EVC2: variants seen among roughly 807,000 people sequenced by gnomAD.
EVC2 encodes limbin.
EVC2 carries 148 observed loss-of-function variants against 149.3 expected under a neutral mutation model. The ratio of observed to expected loss-of-function variants is 0.99; its 90% CI spans 0.87 to 1.14. The LOEUF (loss-of-function observed/expected upper bound fraction) is 1.14. Ranked by LOEUF, EVC2 falls within the 50% of genes most tolerant of loss-of-function variation. EVC2 has a pLI of 0.00. For missense variants in EVC2, 1,854 were observed against 1,627.3 expected, an observed-to-expected ratio of 1.14 and a Z score of -2.40; for synonymous variants, 776 against 649.9, an observed-to-expected ratio of 1.19 and a Z score of -2.95.
chr4:5,647,720 C>G (rs550631422), intron 9 of EVC2, among the ~76,000 whole-genome samples: 2 of 152,172 alleles, frequency 1.3e-5, no homozygotes, highest in Non-Finnish European at 2.9e-5. Context: ...ACAGTGCCCC[C>G]GCAAAGACAT....
chr4:5,687,220 G>T (rs968773435), intron 5 of EVC2, among the ~76,000 whole-genome samples: 1 of 152,058 alleles, frequency 6.6e-6, no homozygotes, highest in Non-Finnish European at 1.5e-5. Context: ...TTGTGCCACT[G>T]CACTCTAGGC....
At chr4:5,703,866 C>T (rs1362715848) in intron 1 of EVC2, among the ~76,000 whole-genome samples, 1 of 152,018 alleles carries the variant, frequency 6.6e-6, no homozygotes, top group South Asian at 2.1e-4. Flanking sequence ...ATGGGGGTTG[C>T]CATTTTAAAT....
chr4:5,610,180 T>C (rs557563709), intron 16 of EVC2, among the ~76,000 whole-genome samples: 2 of 152,174 alleles, frequency 1.3e-5, no homozygotes, highest in Non-Finnish European at 1.5e-5. Flanking sequence ...AGCATATATA[T>C]GGACTATGGA....
chr4:5,604,103 C>A (rs1382637491), intron 16 of EVC2, among the ~76,000 whole-genome samples: 5 of 152,156 alleles, frequency 3.3e-5, no homozygotes, highest in South Asian at 4.1e-4. Flanking sequence ...AATAGTTGCT[C>A]TGCCTGCTTC....
intron 1 of EVC2, 50 bp from the exon 2 acceptor site, chr4:5,697,697 A>C: frequency 6.6e-7 from 1 of 1,515,840 alleles, no homozygotes; most frequent in Non-Finnish European, 9.2e-7. Flanking sequence ...ACTTCTGAGA[A>C]GTGATAATAA....
intron 7 of EVC2, among the ~76,000 whole-genome samples, chr4:5,666,615 T>C (rs66586049): frequency 0.15 from 22,368 of 152,208 alleles, 1,722 homozygotes; most frequent in African/African-American, 0.17. Context: ...CTTAAAGTCA[T>C]CATTCCCAGA....
intron 7 of EVC2, 81 bp from the exon 8 acceptor site, chr4:5,665,730 A>G (rs1719236803): frequency 6.4e-7 from 1 of 1,568,476 alleles, no homozygotes; most frequent in South Asian, 1.2e-5. Flanking sequence ...TGAGTGTCAG[A>G]GCAGACCAAG....
At chr4:5,555,018 G>A (rs1416679441) in intron 21 of EVC2, among the ~76,000 whole-genome samples, 1 of 42,480 alleles carries the variant, frequency 2.4e-5, no homozygotes, top group Non-Finnish European at 3.6e-5. Context: ...GAGAGGAAGC[G>A]TGTGTGTGTG....
At chr4:5,572,905 G>C (rs1722718300) in intron 19 of EVC2, among the ~76,000 whole-genome samples, 1 of 152,204 alleles carries the variant, frequency 6.6e-6, no homozygotes, top group African/African-American at 2.4e-5. Context: ...AGGAAGAGCA[G>C]AGTATGTGCA....
intron 1 of EVC2, among the ~76,000 whole-genome samples, chr4:5,704,192 G>A (rs188650806): frequency 2.6e-5 from 4 of 152,276 alleles, no homozygotes; most frequent in South Asian, 2.1e-4. Context: ...TCAGTCAGGC[G>A]GCTCCACAAT....
intron 9 of EVC2, among the ~76,000 whole-genome samples, chr4:5,660,823 T>C (rs77101956): frequency 0.055 from 8,418 of 152,258 alleles, 250 homozygotes; most frequent in Middle Eastern, 0.092. Flanking sequence ...GCCTAAATAG[T>C]GAGGAAGCTC....
intron 21 of EVC2, among the ~76,000 whole-genome samples, chr4:5,547,773 G>C (rs1721649573): frequency 6.6e-6 from 1 of 152,184 alleles, no homozygotes; most frequent in African/African-American, 2.4e-5. Context: ...CAGGCTGAAA[G>C]AGCTATAACA....
chr4:5,618,755 A>C lies in EVC2; in HGVS notation c.2502-73T>G. On this transcript the variant is annotated intron_variant, in intron 14 of 21. Transcript: ENST00000344408. This position sits in a 1 kb window ranked among gnomAD's most constrained non-coding sequence, Gnocchi z 4.4. ...GGCTGGGCTGGGGTGAAGAAGCCAGAGATGCAAAGCTCATTCCTCATATCC... is the reference window on the plus strand; with the variant it reads ...GGCTGGGCTGGGGTGAAGAAGCCAGCGATGCAAAGCTCATTCCTCATATCC... 1 of 1,391,642 alleles carries C rather than the reference A, an allele frequency of 7.2e-7. No homozygotes were observed. The highest frequency in any genetic ancestry group is 1.0e-6 in the Non-Finnish European group (1 of 1,002,350). 86.2% of individuals were successfully genotyped at this position (1,391,642 alleles called of 1,614,324 possible).
rs1028500951 is a variant in EVC2, at chr4:5,670,353, C to G, written c.871-4704G>C. Among the ~76,000 whole-genome samples, 6 of 152,040 alleles carry G rather than the reference C, an allele frequency of 3.9e-5. No homozygotes were observed. The East Asian group carries it at 1.2e-3, about 29-fold the overall frequency. On this transcript the variant is annotated intron_variant, in intron 7 of 21. Coordinates refer to ENST00000344408, the MANE Select transcript of EVC2 (RefSeq NM_147127.5). The surrounding 1 kb of genome is among the most constrained non-coding windows in gnomAD (Gnocchi z 5.2). ...TCATCACCATCACCACAATGACTGTCACCACCACCATCACCACCATCATTA... is the reference window on the plus strand; with the variant it reads ...TCATCACCATCACCACAATGACTGTGACCACCACCATCACCACCATCATTA...
At chr4:5,564,665 A>T (rs1329563701) in intron 21 of EVC2, among the ~76,000 whole-genome samples, 1 of 152,222 alleles carries the variant, frequency 6.6e-6, no homozygotes, top group African/African-American at 2.4e-5. Flanking sequence ...CTCTAGCTGG[A>T]ATCACAGAAG....
At position 5,655,497 on chromosome 4, in the gene EVC2, T is replaced by C. The variant is rs907646602; in HGVS notation, c.1145+7610A>G. On this transcript the variant is annotated intron_variant, in intron 9 of 21. Coordinates refer to ENST00000344408, the MANE Select transcript of EVC2 (RefSeq NM_147127.5). Reference sequence around the variant, plus strand: ...CTGCAGTCTCTCCTCTGGCACACGTTCCCTCTGCTGGAAATGCCCCACGCA... The same window carrying C: ...CTGCAGTCTCTCCTCTGGCACACGTCCCCTCTGCTGGAAATGCCCCACGCA... 3.9e-5 allele frequency among the ~76,000 whole-genome samples: 6 copies of C among 152,224 alleles called. No homozygotes were observed. The South Asian group carries it at 8.3e-4, about 21-fold the overall frequency.
chr4:5,557,997 T>C (rs190965596), downstream of EVC2, among the ~76,000 whole-genome samples: 55 of 152,270 alleles, frequency 3.6e-4, 1 homozygote, highest in South Asian at 3.3e-3. Flanking sequence ...ACCTGACCTA[T>C]AGAATCTATA....
chr4:5,553,639 A>G, intron 21 of EVC2, among the ~76,000 whole-genome samples: 1 of 152,212 alleles, frequency 6.6e-6, no homozygotes, highest in East Asian at 1.9e-4. Flanking sequence ...CAAAAATTAG[A>G]TTATAGTTAT....
chr4:5,708,862 C>A (rs1722393140), upstream of EVC2: 2 of 216,846 alleles, frequency 9.2e-6, no homozygotes, highest in Non-Finnish European at 1.8e-5. Flanking sequence ...GACGCACTTC[C>A]CCTGGGAACG....
Sources: allele counts gnomAD v4.1 joint callset (sites outside exome capture counted in the v4.1 genomes callset), GRCh38; gene constraint gnomAD v4.1.1; non-coding constraint Gnocchi (gnomAD v3.1); transcripts MANE v1.5; gene names NCBI Gene and HGNC (gene_info 2026-07-23, HGNC 2026-07-21).